The following GIMAP2 variants were observed in gnomAD, a reference collection of about 807,000 sequenced individuals.
The protein encoded by GIMAP2 is GTPase, IMAP family member 2.
GIMAP2 carries 22 observed loss-of-function variants against 25.5 expected under a neutral mutation model. The ratio of observed to expected loss-of-function variants is 0.86; its 90% CI spans 0.62 to 1.23. The LOEUF is 1.23. Among genes scored for constraint, GIMAP2 ranks in the 50% most tolerant of loss-of-function variants. GIMAP2 has a pLI of 0.00. For missense variants in GIMAP2, 422 were observed against 395.7 expected, an observed-to-expected ratio of 1.07 and a Z score of -0.56; for synonymous variants, 167 against 143.0, an observed-to-expected ratio of 1.17 and a Z score of -1.20.
Position 150,692,526 on chromosome 7 carries a change from T to C in GIMAP2, c.240T>C (p.Asp80=), listed in dbSNP as rs1231279334. The change falls in exon 3 of 3, where the codon GAT becomes GAC. Residue 80 remains aspartate (D), a synonymous_variant. Transcript: ENST00000223293. ...AGATTGTCATTATTGACACACCAGA[T>C]ATGTTTTCTTGGAAGGACCACTGTG... ...NREIVIIDTP[D]MFSWKDHCEA... 4 of 1,614,010 alleles carry C rather than the reference T, an allele frequency of 2.5e-6. No individual in the cohort carries two copies. Among genetic ancestry groups the C allele is most frequent in the Non-Finnish European group, 3.4e-6 (4 of 1,180,000 alleles).
In GIMAP2 at chr7:150,692,515, G is replaced by A. The variant is rs1226860653; in HGVS notation, c.229G>A (p.Asp77Asn). ...GGGAAATAGAGAGATTGTCATTATT[G>A]ACACACCAGATATGTTTTCTTGGAA... ...SWGNREIVII[D>N]TPDMFSWKDH... Residue 77 changes from aspartate (D) to asparagine (N), a missense_variant, in exon 3 of 3, where the codon GAC becomes AAC. Physicochemically the swap from Asp to Asn is conservative, Grantham distance 23. Coordinates refer to ENST00000223293, the MANE Select transcript of GIMAP2 (RefSeq NM_015660.3). 1.9e-5 allele frequency: 30 copies of A among 1,614,018 alleles called. No homozygotes were observed.
At chr7:150,686,349 T>A (rs1298237557) in intron 1 of GIMAP2, among the ~76,000 whole-genome samples, 1 of 151,246 alleles carries the variant, frequency 6.6e-6, no homozygotes, top group Non-Finnish European at 1.5e-5. Context: ...GGAGGCAAGG[T>A]GGGAAAAGAA....
intron 2 of GIMAP2, chr7:150,689,438 A>G: frequency 4.3e-6 from 3 of 695,936 alleles, no homozygotes; most frequent in Non-Finnish European, 7.9e-6. Flanking sequence ...CCAGCAACTC[A>G]GGACTCCCAC....
intron 2 of GIMAP2, among the ~76,000 whole-genome samples, chr7:150,690,961 T>C (rs1796960050): frequency 6.6e-6 from 1 of 152,254 alleles, no homozygotes; most frequent in South Asian, 2.1e-4. Context: ...AATGTAGACT[T>C]TCCTTCTCCA....
chr7:150,688,961 A>T (rs1182595800), intron 2 of GIMAP2, among the ~76,000 whole-genome samples: 1 of 152,226 alleles, frequency 6.6e-6, no homozygotes, highest in African/African-American at 2.4e-5. Flanking sequence ...TCCGCTTGCC[A>T]TACAAGGCAG....
chr7:150,689,062 G>A (rs537505326), intron 2 of GIMAP2, among the ~76,000 whole-genome samples: 2 of 152,290 alleles, frequency 1.3e-5, no homozygotes, highest in South Asian at 4.1e-4. Context: ...AGCCATTGCT[G>A]CTTACTCCTT....
chr7:150,689,542 G>A (rs1243661866), intron 2 of GIMAP2: 13 of 702,780 alleles, frequency 1.8e-5, no homozygotes, highest in Admixed American at 8.0e-5. Flanking sequence ...GCTCCAGCGC[G>A]GTGTATCAGG....
rs36051941 is a variant in GIMAP2 at position 150,692,062 on chromosome 7, CA to C, written c.29-239del. ...GAAACCCTGTCTCTACTAAAACTAC[CA>C]AAAAAAAAAAAAATTAGCGGGATGC... is the stretch of plus-strand genomic sequence containing the variant. On this transcript the variant is annotated intron_variant, in intron 2 of 2. Coordinates refer to ENST00000223293, the MANE Select transcript of GIMAP2 (RefSeq NM_015660.3). Among the ~76,000 whole-genome samples the C allele has an allele frequency of 3.6e-3, 521 of 144,488 alleles. 2 individuals are homozygous for C. Among genetic ancestry groups the C allele is most frequent in the Admixed American group, 4.1e-3 (60 of 14,646 alleles). 94.8% of individuals were successfully genotyped at this position (144,488 alleles called of 152,430 possible).
At chr7:150,689,667 A>C (rs1796944163) in intron 2 of GIMAP2, 3 of 626,180 alleles carry the variant, frequency 4.8e-6, no homozygotes, top group African/African-American at 1.8e-5. Context: ...ACTGGCCTAC[A>C]GAAAATAAGA....
At chr7:150,688,894 C>G (rs2116503300) in intron 2 of GIMAP2, among the ~76,000 whole-genome samples, 1 of 152,336 alleles carries the variant, frequency 6.6e-6, no homozygotes, top group South Asian at 2.1e-4. Context: ...CAGAATTCTC[C>G]AACTAGACCT....
At chr7:150,687,156 T>TGTGTGTGTGTGTGTGTG (rs1796913507) in intron 2 of GIMAP2, 69 bp downstream of exon 2, 2 of 942,244 alleles carry the variant, frequency 2.1e-6, no homozygotes, top group African/African-American at 4.4e-5. Context: ...GTGTGTGTGT[T>TGTGTGTGTGTGTGTGTG]TGGCTCTTCT....
Position 150,687,285 on chromosome 7 carries a change from T to TGTTTGTTTGTTTGTTC in GIMAP2, c.28+202_28+203insGTTTGTTTGTTCGTTT, listed in dbSNP as rs1401713421. 1.2e-4 allele frequency: 70 copies of TGTTTGTTTGTTTGTTC among 576,944 alleles called. 2 individuals carry two copies. The Admixed American group carries it at 1.9e-3, about 16-fold the overall frequency. The allele number at this position is 576,944 out of a possible 1,614,324, so 35.7% of individuals were successfully genotyped here. ...TTCTTTGTTTGTTTGTTTGTTTGTT[T>TGTTTGTTTGTTTGTTC]GTTTTGAGACAGTGTCTCTCTCTGT... is the stretch of plus-strand genomic sequence containing the variant. On this transcript the variant is annotated intron_variant, in intron 2 of 2. Transcript: ENST00000223293.
chr7:150,689,061 T>C (rs1796936921), intron 2 of GIMAP2, among the ~76,000 whole-genome samples: 1 of 152,244 alleles, frequency 6.6e-6, no homozygotes, highest in Non-Finnish European at 1.5e-5. Flanking sequence ...AAGCCATTGC[T>C]GCTTACTCCT....
Sources: allele counts gnomAD v4.1 joint callset (sites outside exome capture counted in the v4.1 genomes callset), GRCh38; gene constraint gnomAD v4.1.1; transcripts MANE v1.5; gene names NCBI Gene and HGNC (gene_info 2026-07-23, HGNC 2026-07-21).